Variants in UBE2V1 observed in about 807,000 individuals in gnomAD.
UBE2V1 encodes ubiquitin-conjugating enzyme E2 variant 1.
UBE2V1 carries 15 observed loss-of-function variants against 19.6 expected under a neutral mutation model. The ratio of observed to expected loss-of-function variants is 0.77; its 90% CI spans 0.51 to 1.18. UBE2V1 has a LOEUF of 1.18. UBE2V1 is among the 50% of genes most tolerant of loss of function. The probability of loss-of-function intolerance (pLI) is 0.00; values close to 1 mark genes in which losing one functional copy is unlikely to be tolerated. For missense variants in UBE2V1, 125 were observed against 184.8 expected (o/e 0.68, Z 1.88); for synonymous variants, 60 against 60.7 (o/e 0.99, Z 0.05).
At chr20:50,113,746 C>T (rs1226128090), upstream of UBE2V1, among the ~76,000 whole-genome samples, 1 of 151,946 alleles carries the variant, frequency 6.6e-6, no homozygotes, top group Non-Finnish European at 1.5e-5. Flanking sequence ...GCAGGGAAAG[C>T]ATTTGCTAAC....
upstream of UBE2V1, chr20:50,115,376 G>A: frequency 7.3e-7 from 1 of 1,368,038 alleles, no homozygotes; most frequent in Non-Finnish European, 9.6e-7. Flanking sequence ...CGTGTATCAC[G>A]TGATACAAGT....
At chr20:50,083,823 G>T in intron 3 of UBE2V1, 1 of 206,542 alleles carries the variant, frequency 4.8e-6, no homozygotes. Flanking sequence ...TGTAGCCCTG[G>T]GAAAGATCTT....
At chr20:50,087,333 T>G (rs147141197) in intron 2 of UBE2V1, among the ~76,000 whole-genome samples, 2 of 150,382 alleles carry the variant, frequency 1.3e-5, no homozygotes, top group East Asian at 3.9e-4. Flanking sequence ...GAGGTGGAAG[T>G]TGCAGTGAGC....
intron 1 of UBE2V1, chr20:50,109,175 C>CT (rs1232415721): frequency 8.2e-6 from 8 of 970,152 alleles, no homozygotes; most frequent in Non-Finnish European, 9.8e-6. Context: ...CTCTAAAGCA[C>CT]TATCCACAAT....
intron 1 of UBE2V1, among the ~76,000 whole-genome samples, chr20:50,106,222 G>A (rs2080347839): frequency 6.6e-6 from 1 of 152,020 alleles, no homozygotes; most frequent in South Asian, 2.1e-4. Context: ...CTTTTTCCTG[G>A]ACCTGTGTCA....
At chr20:50,091,057 T>G (rs1353615993) in intron 2 of UBE2V1, among the ~76,000 whole-genome samples, 1 of 152,096 alleles carries the variant, frequency 6.6e-6, no homozygotes, top group African/African-American at 2.4e-5. Flanking sequence ...GAAAAAAAAT[T>G]TTTTTTGAGA....
In UBE2V1 at chr20:50,082,923, A is replaced by G; in HGVS notation, c.298-9T>C. The G allele has an allele frequency of 6.2e-7, 1 of 1,602,068 alleles. No homozygotes were observed. Among genetic ancestry groups the G allele is most frequent in the Non-Finnish European group, 8.5e-7 (1 of 1,178,852 alleles). On this transcript the variant is annotated splice_polypyrimidine_tract_variant and intron_variant, in intron 3 of 3. Coordinates refer to ENST00000371674, the MANE Select transcript of UBE2V1 (RefSeq NM_001032288.3). ...ATGGCTCTTGGGTCCACCTACAACA[A>G]GGCAAACAAAAGCAAATTACTCTCA... is the stretch of plus-strand genomic sequence containing the variant.
At chr20:50,102,966 G>T (rs2080102165) in intron 1 of UBE2V1, among the ~76,000 whole-genome samples, 1 of 152,180 alleles carries the variant, frequency 6.6e-6, no homozygotes, top group Non-Finnish European at 1.5e-5. Context: ...AGCTGTGAAT[G>T]GCTGACTGGT....
chr20:50,094,208 A>T (rs928314175), intron 2 of UBE2V1, among the ~76,000 whole-genome samples: 1 of 113,458 alleles, frequency 8.8e-6, no homozygotes, highest in Middle Eastern at 5.2e-3. Context: ...CAGTATATAT[A>T]ATATATAACA....
chr20:50,083,505 C>A (rs980459754), intron 3 of UBE2V1, among the ~76,000 whole-genome samples: 4 of 152,242 alleles, frequency 2.6e-5, no homozygotes, highest in Admixed American at 6.5e-5. Flanking sequence ...TTCCAGTCTT[C>A]TGAGTATCTC....
At chr20:50,105,950 AAAAC>A (rs1361594481) in intron 1 of UBE2V1, among the ~76,000 whole-genome samples, 1 of 151,916 alleles carries the variant, frequency 6.6e-6, no homozygotes, top group East Asian at 1.9e-4. Context: ...AAAAAACAAA[AAAAC>A]AAAAAACAAA....
At chr20:50,096,368 T>G in intron 2 of UBE2V1, 1 of 441,126 alleles carries the variant, frequency 2.3e-6, no homozygotes, top group Non-Finnish European at 3.9e-6. Flanking sequence ...GGCCTAGTTA[T>G]TTGGTTAGCC....
intron 2 of UBE2V1, among the ~76,000 whole-genome samples, chr20:50,093,814 A>G (rs1039322580): frequency 1.3e-5 from 2 of 150,838 alleles, no homozygotes; most frequent in African/African-American, 4.9e-5. Context: ...AGATGGTGAA[A>G]CCCCGTCTCT....
At chr20:50,096,067 C>G (rs6095760) in intron 2 of UBE2V1, 1 of 152,588 alleles carries the variant, frequency 6.6e-6, no homozygotes, top group African/African-American at 2.4e-5. Flanking sequence ...CCTCAAAAAA[C>G]GGTTGGCTGG....
At chr20:50,085,318 C>A (rs1025214956) in intron 2 of UBE2V1, among the ~76,000 whole-genome samples, 1 of 152,126 alleles carries the variant, frequency 6.6e-6, no homozygotes, top group African/African-American at 2.4e-5. Flanking sequence ...CTCTGTTGCC[C>A]GGCTGTTCCT....
rs1050148931 is a variant in UBE2V1 at position 50,096,264 on chromosome 20, G to A, written c.171+408C>T. ...CCAAGGAACTAGGATACAGGTGCAC[G>A]GCAGACCTGGGAGACAGTGAAGAAA... On this transcript the variant is annotated intron_variant, in intron 2 of 3. Transcript: ENST00000371674. 44 of 270,098 alleles carry A rather than the reference G, an allele frequency of 1.6e-4. 1 individual carries two copies. The highest frequency in any genetic ancestry group is 1.4e-3 in the Admixed American group (27 of 19,562). The allele number at this position is 270,098 out of a possible 1,614,324, so 16.7% of individuals were successfully genotyped here.
Position 50,093,757 on chromosome 20 carries a change from C to T in UBE2V1, c.171+2915G>A, listed in dbSNP as rs1047538353. 4.0e-5 allele frequency among the ~76,000 whole-genome samples: 6 copies of T among 151,364 alleles called. No individual in the cohort carries two copies. The South Asian group carries it at 6.2e-4, about 16-fold the overall frequency. On this transcript the variant is annotated intron_variant, in intron 2 of 3. Coordinates refer to ENST00000371674, the MANE Select transcript of UBE2V1 (RefSeq NM_001032288.3). ...CTGTAATTCCAGCACTTTGGGAGGCCGAGGTGGGTAGATCATGAGGTCAGG... is the reference window on the plus strand; with the variant it reads ...CTGTAATTCCAGCACTTTGGGAGGCTGAGGTGGGTAGATCATGAGGTCAGG...
chr20:50,085,922 C>T (rs925897579), intron 2 of UBE2V1, among the ~76,000 whole-genome samples: 1 of 151,724 alleles, frequency 6.6e-6, no homozygotes, highest in Admixed American at 6.6e-5. Flanking sequence ...TGTTCTACCT[C>T]TGAAAGAGAC....
rs1240360656 is a variant in UBE2V1 at position 50,099,030 on chromosome 20, A to AT, written c.23-2211dup. 8.5e-6 allele frequency: 8 copies of AT among 944,844 alleles called. No homozygotes were observed. In the East Asian group the frequency reaches 9.3e-4, roughly 109 times the overall value. 58.5% of individuals were successfully genotyped at this position (944,844 alleles called of 1,614,324 possible). A position where few individuals can be genotyped will look rare whatever the true frequency, so the allele number is the denominator to read the frequency against. On this transcript the variant is annotated intron_variant, in intron 1 of 3. Transcript: ENST00000371674. ...AGGCAAAAAGCCAGACAACACAACT[A>AT]TTGTTCAGAAAGGGTTCAATCTAAA...
Sources: gnomAD v4.1 joint callset for allele counts (sites outside exome capture counted in the v4.1 genomes callset) on GRCh38, gnomAD v4.1.1 for gene constraint, MANE v1.5 for transcripts, NCBI Gene and HGNC (gene_info 2026-07-23, HGNC 2026-07-21) for gene names.